PRELID2: variants seen among roughly 807,000 people sequenced by gnomAD.
PRELID2 encodes the protein PRELI domain-containing protein 2.
Under a neutral mutation model 28.4 loss-of-function variants are expected in PRELID2, and 25 were observed. That is an observed-to-expected ratio of 0.88 (90% CI 0.64 to 1.23). PRELID2 has a LOEUF of 1.23. Ranked by LOEUF, PRELID2 falls within the 50% of genes most tolerant of loss-of-function variation. The pLI is 0.00. For missense variants in PRELID2, 201 were observed against 214.4 expected, an observed-to-expected ratio of 0.94 and a Z score of 0.39; for synonymous variants, 76 against 71.6, an observed-to-expected ratio of 1.06 and a Z score of -0.31.
intron 1 of PRELID2, among the ~76,000 whole-genome samples, chr5:145,650,957 G>A (rs1581027873): frequency 1.3e-5 from 2 of 152,298 alleles, no homozygotes; most frequent in East Asian, 3.9e-4. Flanking sequence ...AGCAGGGCGA[G>A]GCATCGCCTC....
the PRELID2 span, among the ~76,000 whole-genome samples, chr5:145,304,571 A>T: frequency 6.6e-6 from 1 of 152,220 alleles, no homozygotes; most frequent in Non-Finnish European, 1.5e-5. Context: ...CAAGGTGATT[A>T]ATTTGCTCAA....
chr5:145,746,434 A>C (rs1756993301), intron 1 of PRELID2, among the ~76,000 whole-genome samples: 1 of 152,218 alleles, frequency 6.6e-6, no homozygotes, highest in Admixed American at 6.5e-5. Context: ...GAGACAAAGA[A>C]GGGCATTACA....
At chr5:145,361,555 T>C in the PRELID2 span, among the ~76,000 whole-genome samples, 1 of 152,190 alleles carries the variant, frequency 6.6e-6, no homozygotes, top group East Asian at 1.9e-4. Flanking sequence ...CAGACTGGTA[T>C]GTAAAGGGCC....
chr5:145,528,706 C>A (rs953518097), intron 1 of PRELID2, among the ~76,000 whole-genome samples: 1 of 123,252 alleles, frequency 8.1e-6, no homozygotes, highest in East Asian at 3.7e-4. Flanking sequence ...CACACACACA[C>A]ACACACACAC....
the PRELID2 span, among the ~76,000 whole-genome samples, chr5:145,391,346 G>C: frequency 1.3e-5 from 2 of 152,208 alleles, no homozygotes; most frequent in African/African-American, 4.8e-5. Context: ...CCCAAGGCTT[G>C]GGGTTTGCAC....
chr5:145,319,184 C>T, the PRELID2 span, among the ~76,000 whole-genome samples: 60 of 152,206 alleles, frequency 3.9e-4, 1 homozygote, highest in East Asian at 0.01. Flanking sequence ...TTTAGGGCCA[C>T]GGGTTTCCAG....
At chr5:145,404,017 G>A in the PRELID2 span, among the ~76,000 whole-genome samples, 2 of 152,164 alleles carry the variant, frequency 1.3e-5, no homozygotes, top group South Asian at 4.2e-4. Flanking sequence ...AGAAATGTGT[G>A]TACCAAACCA....
chr5:145,704,724 G>C (rs1288800059), intron 1 of PRELID2, among the ~76,000 whole-genome samples: 3 of 152,300 alleles, frequency 2.0e-5, no homozygotes, highest in Non-Finnish European at 1.5e-5. Context: ...GAAATCTTGA[G>C]AAAGTTGGGC....
At chr5:145,400,131 C>T in the PRELID2 span, among the ~76,000 whole-genome samples, 1 of 152,054 alleles carries the variant, frequency 6.6e-6, no homozygotes, top group Non-Finnish European at 1.5e-5. Context: ...CAAATTCAGG[C>T]ATCAGTCATT....
the PRELID2 span, among the ~76,000 whole-genome samples, chr5:145,307,117 A>G: frequency 1.3e-5 from 2 of 152,200 alleles, no homozygotes; most frequent in African/African-American, 4.8e-5. Context: ...TCTGTTGCTA[A>G]GTCCTTCCAG....
the PRELID2 span, among the ~76,000 whole-genome samples, chr5:145,424,399 G>A: frequency 0.025 from 3,863 of 152,308 alleles, 138 homozygotes; most frequent in African/African-American, 0.081. Context: ...CTCCGTGAGC[G>A]TTGGACCCTC....
At position 145,712,287 on chromosome 5, in the gene PRELID2, G is replaced by A. The variant is rs563242321; in HGVS notation, n.70+52644C>T. Among the ~76,000 whole-genome samples, 5 of 152,052 alleles carry A rather than the reference G, an allele frequency of 3.3e-5. No homozygotes were observed. In the South Asian group the frequency reaches 6.2e-4, roughly 19 times the overall value. On this transcript the variant is annotated intron_variant and non_coding_transcript_variant, in intron 1 of 2. Coordinates refer to the PRELID2 transcript ENST00000510259. ...ACTCATCACTTCCTAATGATTTTAC[G>A]GTATTTTATAATTTTATATATATTC...
chr5:145,668,542 G>A lies in PRELID2; in HGVS notation n.70+96389C>T, dbSNP rs1273712158. Among the ~76,000 whole-genome samples, 9 of 151,992 alleles carry A rather than the reference G, an allele frequency of 5.9e-5. No individual in the cohort carries two copies. The South Asian group carries it at 8.3e-4, about 14-fold the overall frequency. ...CCATATGTAATCACAGTCCATCCTC[G>A]CTGATATAAAATATGAGAAAGAATT... On this transcript the variant is annotated intron_variant and non_coding_transcript_variant, in intron 1 of 2. Coordinates refer to the PRELID2 transcript ENST00000510259.
the PRELID2 span, among the ~76,000 whole-genome samples, chr5:145,289,894 T>A: frequency 6.6e-6 from 1 of 152,218 alleles, no homozygotes; most frequent in South Asian, 2.1e-4. Context: ...GGCATTTGTA[T>A]ATGTTTTTTG....
intron 1 of PRELID2, among the ~76,000 whole-genome samples, chr5:145,736,629 T>C (rs1756504384): frequency 6.6e-6 from 1 of 152,192 alleles, no homozygotes; most frequent in Admixed American, 6.5e-5. Context: ...TCCATACTTC[T>C]GAGCAAAATA....
intron 1 of PRELID2, among the ~76,000 whole-genome samples, chr5:145,702,578 G>C (rs933470474): frequency 2.0e-5 from 3 of 152,134 alleles, no homozygotes; most frequent in Admixed American, 2.0e-4. Flanking sequence ...TCTCACACAA[G>C]AAGGCAAGAG....
chr5:145,302,301 C>T, the PRELID2 span, among the ~76,000 whole-genome samples: 3 of 151,814 alleles, frequency 2.0e-5, no homozygotes, highest in Admixed American at 2.0e-4. Flanking sequence ...CCACGCCTGG[C>T]TAATTTTTGT....
chr5:145,465,931 C>A, the PRELID2 span, among the ~76,000 whole-genome samples: 6 of 152,100 alleles, frequency 3.9e-5, no homozygotes, highest in Non-Finnish European at 8.8e-5. Context: ...ATTATGATAG[C>A]ATTTATAAAT....
chr5:145,803,429 T>C (rs561394674), intron 4 of PRELID2, among the ~76,000 whole-genome samples: 1 of 152,116 alleles, frequency 6.6e-6, no homozygotes, highest in Admixed American at 6.5e-5. Context: ...TATATATACA[T>C]ATACATGCCT....
Sources: gnomAD v4.1 joint callset for allele counts (sites outside exome capture counted in the v4.1 genomes callset) on GRCh38, gnomAD v4.1.1 for gene constraint, MANE v1.5 for transcripts, NCBI Gene and HGNC (gene_info 2026-07-23, HGNC 2026-07-21) for gene names.